Variants in FAM222B observed in about 807,000 individuals in gnomAD.
FAM222B encodes protein FAM222B.
FAM222B carries 12 observed loss-of-function variants against 38.0 expected under a neutral mutation model. The observed-to-expected ratio is 0.32, with a 90% confidence interval of 0.20 to 0.51. The LOEUF (loss-of-function observed/expected upper bound fraction) is 0.51, where lower values mean the gene tolerates loss of function less well. Ranked by LOEUF, FAM222B falls within the 20% of genes least tolerant of loss-of-function variation. FAM222B has a pLI of 0.97. For synonymous variants in FAM222B, 329 were observed against 317.2 expected (o/e 1.04, Z -0.40); for missense variants, 716 against 754.2 (o/e 0.95, Z 0.59).
At chr17:28,783,919 C>T (rs948077001) in intron 1 of FAM222B, among the ~76,000 whole-genome samples, 1 of 151,900 alleles carries the variant, frequency 6.6e-6, no homozygotes, top group African/African-American at 2.4e-5. Flanking sequence ...CTGCCTCAGG[C>T]TCCCAAGTAG....
intron 1 of FAM222B, among the ~76,000 whole-genome samples, chr17:28,783,923 C>T (rs2036276501): frequency 6.6e-6 from 1 of 151,570 alleles, no homozygotes; most frequent in African/African-American, 2.4e-5. Context: ...CTCAGGCTCC[C>T]AAGTAGCTGG....
chr17:28,759,155 G>T lies in FAM222B; in HGVS notation c.804C>A (p.Ile268=), dbSNP rs543204022. Reference sequence around the variant, plus strand: ...GGCAAAACTGGTTGATCTGGTGCACGATGCTACTCAGGTCCGGAGGCTGGC... The same window carrying T: ...GGCAAAACTGGTTGATCTGGTGCACTATGCTACTCAGGTCCGGAGGCTGGC... The part of the protein sequence containing the change: ...QHSQPPDLSS[I]VHQINQFCQT... The change falls in exon 3 of 3, where the codon ATC becomes ATA. Residue 268 remains isoleucine (I), a synonymous_variant. Coordinates refer to ENST00000581407, the MANE Select transcript of FAM222B (RefSeq NM_001077498.3). The surrounding 1 kb of genome is among the most constrained non-coding windows in gnomAD (Gnocchi z 4.8). 1 of 1,612,664 alleles carries T rather than the reference G, an allele frequency of 6.2e-7. No individual in the cohort carries two copies. The highest frequency in any genetic ancestry group is 1.3e-5 in the African/African-American group (1 of 75,030).
chr17:28,850,482 T>C (rs905924766), intron 1 of FAM222B, among the ~76,000 whole-genome samples: 1 of 151,938 alleles, frequency 6.6e-6, no homozygotes, highest in Non-Finnish European at 1.5e-5. Flanking sequence ...GTATTTTTAG[T>C]AGAGACAGAG....
intron 1 of FAM222B, among the ~76,000 whole-genome samples, chr17:28,853,450 T>C (rs556814083): frequency 2.0e-5 from 3 of 152,238 alleles, no homozygotes; most frequent in African/African-American, 7.2e-5. Context: ...GGAATTTAGA[T>C]ACCATAATTT....
At chr17:28,798,110 G>A (rs887281805) in intron 1 of FAM222B, among the ~76,000 whole-genome samples, 2 of 151,972 alleles carry the variant, frequency 1.3e-5, no homozygotes, top group Non-Finnish European at 1.5e-5. Context: ...AAATAAATAG[G>A]TCAGGCGCGG....
At chr17:28,797,376 A>G (rs1597948638) in intron 1 of FAM222B, among the ~76,000 whole-genome samples, 1 of 152,152 alleles carries the variant, frequency 6.6e-6, no homozygotes, top group South Asian at 2.1e-4. Flanking sequence ...AGGAGGAAGC[A>G]GATCTGTCTC....
intron 1 of FAM222B, among the ~76,000 whole-genome samples, chr17:28,837,858 T>C (rs1459671187): frequency 1.3e-5 from 2 of 152,142 alleles, no homozygotes; most frequent in Admixed American, 1.3e-4. Context: ...TCACTTTGTT[T>C]GCCAGGCTGG....
At chr17:28,793,327 A>G (rs1458687704) in intron 1 of FAM222B, among the ~76,000 whole-genome samples, 1 of 152,162 alleles carries the variant, frequency 6.6e-6, no homozygotes, top group Admixed American at 6.5e-5. Context: ...CTTATATTTT[A>G]AAAGAAAGCC....
chr17:28,789,720 C>A (rs941559419), intron 1 of FAM222B, among the ~76,000 whole-genome samples: 1 of 152,164 alleles, frequency 6.6e-6, no homozygotes, highest in Non-Finnish European at 1.5e-5. Flanking sequence ...TTGAAAGGAA[C>A]CAAGGCTCCT....
chr17:28,803,557 A>G lies in FAM222B; in HGVS notation c.-40-36850T>C, dbSNP rs567180602. Among the ~76,000 whole-genome samples, 5 of 152,186 alleles carry G rather than the reference A, an allele frequency of 3.3e-5. No individual in the cohort carries two copies. The South Asian group carries it at 1.0e-3, about 32-fold the overall frequency. ...AGCAATCCTCCTGCCTCAGTCTCCC[A>G]AAGTGTTGGGATTACAGGCATAAGC... On this transcript the variant is annotated intron_variant, in intron 1 of 2. Coordinates refer to ENST00000581407, the MANE Select transcript of FAM222B (RefSeq NM_001077498.3).
At chr17:28,801,106 G>A (rs1244816265) in intron 1 of FAM222B, among the ~76,000 whole-genome samples, 18 of 150,012 alleles carry the variant, frequency 1.2e-4, no homozygotes, top group African/African-American at 3.9e-4. Flanking sequence ...AAAGTGAGCC[G>A]AGATCGTGCC....
chr17:28,766,515 T>C (rs1248569727), intron 2 of FAM222B, 71 bp downstream of exon 2: 2 of 1,342,638 alleles, frequency 1.5e-6, no homozygotes, highest in Admixed American at 2.0e-5. Context: ...CCAGATGTGC[T>C]TCAAGGACGG....
chr17:28,770,940 T>TTA (rs149757455), intron 1 of FAM222B, among the ~76,000 whole-genome samples: 3,281 of 150,606 alleles, frequency 0.022, 108 homozygotes, highest in African/African-American at 0.075. Flanking sequence ...TAAGAGGCAA[T>TTA]TATATATATA....
chr17:28,835,024 TTGTGTGTGTGTGTGTGTGTG>T lies in FAM222B; in HGVS notation c.-41+7638_-41+7657del, dbSNP rs61229770. Among the ~76,000 whole-genome samples the T allele has an allele frequency of 6.0e-3, 799 of 132,110 alleles. 6 individuals carry two copies. Among genetic ancestry groups the T allele is most frequent in the African/African-American group, 0.022 (756 of 34,640 alleles). The allele number at this position is 132,110 out of a possible 152,430, so 86.7% of individuals were successfully genotyped here. On this transcript the variant is annotated intron_variant, in intron 1 of 2. Transcript: ENST00000581407. The stretch of plus-strand genomic sequence containing the variant: ...CGCCCACCACTACACTCAGCTAATT[TTGTGTGTGTGTGTGTGTGTG>T]TGTGTGTGTGTGTGTGTGTGTGATG...
At chr17:28,840,298 G>A (rs2038992941) in intron 1 of FAM222B, among the ~76,000 whole-genome samples, 1 of 152,068 alleles carries the variant, frequency 6.6e-6, no homozygotes, top group Non-Finnish European at 1.5e-5. Flanking sequence ...CCCGGGAGGT[G>A]GAGGTTGCAA....
At chr17:28,814,666 C>A (rs779703697) in intron 1 of FAM222B, among the ~76,000 whole-genome samples, 13 of 152,026 alleles carry the variant, frequency 8.6e-5, no homozygotes, top group Non-Finnish European at 1.8e-4. Context: ...GGGGTTTCGC[C>A]ATGGTGGCCA....
At position 28,818,588 on chromosome 17, in the gene FAM222B, ACT is replaced by A. The variant is rs1260830383; in HGVS notation, c.-41+24092_-41+24093del. Among the ~76,000 whole-genome samples the A allele has an allele frequency of 2.0e-5, 3 of 151,932 alleles. No homozygotes were observed. The East Asian group carries it at 5.8e-4, about 29-fold the overall frequency. ...TAAAAATAAAAATAAAAATAACAAG[ACT>A]CTATAGGAATGACTGATAAACCAGA... is the stretch of plus-strand genomic sequence containing the variant. On this transcript the variant is annotated intron_variant, in intron 1 of 2. Transcript: ENST00000581407.
intron 1 of FAM222B, chr17:28,834,813 C>T (rs2038781881): frequency 6.8e-6 from 1 of 147,554 alleles, no homozygotes; most frequent in Non-Finnish European, 1.5e-5. Flanking sequence ...CTTCACTTGG[C>T]TAGCCTTAAA....
chr17:28,816,276 A>C (rs1334877150), intron 1 of FAM222B, among the ~76,000 whole-genome samples: 1 of 152,194 alleles, frequency 6.6e-6, no homozygotes, highest in African/African-American at 2.4e-5. Flanking sequence ...CCGTCTCAAA[A>C]AATAAATAAG....
Sources: allele counts gnomAD v4.1 joint callset (sites outside exome capture counted in the v4.1 genomes callset), GRCh38; gene constraint gnomAD v4.1.1; non-coding constraint Gnocchi (gnomAD v3.1); transcripts MANE v1.5; gene names NCBI Gene and HGNC (gene_info 2026-07-23, HGNC 2026-07-21).